SLC2A9: variants seen among roughly 807,000 people sequenced by gnomAD.
The protein encoded by SLC2A9 is solute carrier family 2 member 9.
A neutral mutation model predicts 50.6 loss-of-function variants in SLC2A9; 39 were observed. The ratio of observed to expected loss-of-function variants is 0.77; its 90% confidence interval spans 0.60 to 1.01. SLC2A9 has a LOEUF of 1.01. Among genes scored for constraint, SLC2A9 ranks in the 50% least tolerant of loss-of-function variants. SLC2A9 has a pLI of 0.00. For synonymous variants in SLC2A9, 324 were observed against 276.9 expected, an observed-to-expected ratio of 1.17 and a Z score of -1.69; for missense variants, 686 against 677.6, an observed-to-expected ratio of 1.01 and a Z score of -0.14.
At chr4:9,987,098 G>A (rs1756856389) in intron 3 of SLC2A9, among the ~76,000 whole-genome samples, 1 of 152,136 alleles carries the variant, frequency 6.6e-6, no homozygotes, top group African/African-American at 2.4e-5. Flanking sequence ...CTAGGTTGCT[G>A]GCAAGCTAGA....
chr4:9,934,139 G>A (rs990220309), intron 6 of SLC2A9, among the ~76,000 whole-genome samples: 3 of 152,156 alleles, frequency 2.0e-5, no homozygotes, highest in Admixed American at 6.5e-5. Flanking sequence ...GGGTGGGGTG[G>A]AGGTCATTAT....
chr4:9,887,562 C>G lies in SLC2A9; in HGVS notation c.1291+5G>C. 1 of 1,557,856 alleles carries G rather than the reference C, an allele frequency of 6.4e-7. No individual in the cohort carries two copies. Among genetic ancestry groups the G allele is most frequent in the Non-Finnish European group, 8.7e-7 (1 of 1,151,786 alleles). On this transcript the variant is annotated splice_donor_5th_base_variant and intron_variant, in intron 10 of 11. Coordinates refer to ENST00000264784, the MANE Select transcript of SLC2A9 (RefSeq NM_020041.3). ...CGGGGCAGTGGGGAGGGTGGGGTGC[C>G]TTACCTGGCCCACTGCAGAAAGAGG...
intron 8 of SLC2A9, among the ~76,000 whole-genome samples, chr4:9,895,761 T>C (rs1738432662): frequency 1.3e-5 from 2 of 152,384 alleles, no homozygotes; most frequent in East Asian, 3.9e-4. Context: ...TTGACAAATG[T>C]ATATACCTTA....
chr4:9,853,953 CA>C (rs1399268471), intron 10 of SLC2A9, among the ~76,000 whole-genome samples: 2 of 151,784 alleles, frequency 1.3e-5, no homozygotes, highest in African/African-American at 4.8e-5. Flanking sequence ...TTAATGAGAA[CA>C]AATATATAAC....
intron 5 of SLC2A9, among the ~76,000 whole-genome samples, chr4:9,946,516 C>A (rs890382186): frequency 2.0e-5 from 3 of 152,188 alleles, no homozygotes; most frequent in African/African-American, 4.8e-5. Flanking sequence ...CCTCTGACAG[C>A]AAAAGGGCTC....
In SLC2A9 at chr4:9,951,740, A is replaced by G. The variant is rs147139740; in HGVS notation, c.682-9695T>C. On this transcript the variant is annotated intron_variant, in intron 5 of 11. Transcript: ENST00000264784. ...TAAGCTAATAAAGATGTGAGAAATC[A>G]AATTTTATAAATGTTCCTCATTATT... is the stretch of plus-strand genomic sequence containing the variant. Among the ~76,000 whole-genome samples the G allele has an allele frequency of 2.3e-3, 356 of 152,366 alleles. 2 individuals are homozygous for G. The highest frequency in any genetic ancestry group is 8.1e-3 in the African/African-American group (336 of 41,586).
chr4:9,861,142 C>G (rs764542125), intron 10 of SLC2A9, among the ~76,000 whole-genome samples: 6 of 152,112 alleles, frequency 3.9e-5, no homozygotes, highest in Non-Finnish European at 7.4e-5. Context: ...TTAATTGGCT[C>G]ACGGTTCCAA....
intron 8 of SLC2A9, among the ~76,000 whole-genome samples, chr4:9,893,967 G>T (rs780114174): frequency 6.6e-6 from 1 of 152,182 alleles, no homozygotes; most frequent in Admixed American, 6.5e-5. Flanking sequence ...GTGATTATGG[G>T]ATTTACCAAA....
chr4:9,965,238 A>C (rs1425677779), intron 5 of SLC2A9, among the ~76,000 whole-genome samples: 2 of 152,228 alleles, frequency 1.3e-5, no homozygotes. Flanking sequence ...GCTGTGATGC[A>C]GATCCAGGCA....
At chr4:9,830,959 GGCTTGGAGAGGAAACCCAT>G (rs1726033692) in intron 11 of SLC2A9, among the ~76,000 whole-genome samples, 1 of 152,172 alleles carries the variant, frequency 6.6e-6, no homozygotes, top group South Asian at 2.1e-4. Context: ...AGGAAACCCA[GGCTTGGAGAGGAAACCCAT>G]GCTTGAGGAG....
intron 5 of SLC2A9, among the ~76,000 whole-genome samples, chr4:9,952,027 C>T (rs1037630959): frequency 2.6e-5 from 4 of 152,194 alleles, no homozygotes; most frequent in Non-Finnish European, 4.4e-5. Context: ...AGAGAGTGCC[C>T]TCTGGAGTTG....
At chr4:10,002,042 A>G (rs1033993632) in intron 2 of SLC2A9, among the ~76,000 whole-genome samples, 5 of 152,256 alleles carry the variant, frequency 3.3e-5, no homozygotes, top group African/African-American at 1.2e-4. Flanking sequence ...ATTCTCCAGC[A>G]GCAGAGGGAG....
At chr4:9,805,222 C>A (rs1312121820) in intron 3 of SLC2A9, among the ~76,000 whole-genome samples, 2 of 152,106 alleles carry the variant, frequency 1.3e-5, no homozygotes, top group Non-Finnish European at 2.9e-5. Flanking sequence ...GTGCTTCACT[C>A]CAGAACCCAG....
intron 6 of SLC2A9, among the ~76,000 whole-genome samples, chr4:9,936,097 C>T (rs2110216045): frequency 6.6e-6 from 1 of 152,288 alleles, no homozygotes. Context: ...AATACCATTG[C>T]TATGGGTGGA....
At chr4:9,994,537 GT>G (rs1302315584) in intron 3 of SLC2A9, among the ~76,000 whole-genome samples, 2 of 146,418 alleles carry the variant, frequency 1.4e-5, no homozygotes, top group Non-Finnish European at 3.0e-5. Context: ...TATTTTCAAA[GT>G]TGTTTTCTCT....
chr4:9,982,961 T>C (rs77899884), intron 4 of SLC2A9, among the ~76,000 whole-genome samples: 47 of 152,186 alleles, frequency 3.1e-4, no homozygotes, highest in Non-Finnish European at 1.5e-4. Flanking sequence ...CTCCATCTCC[T>C]GGGTTCAAGT....
At chr4:9,800,274 T>C (rs1168860966) in intron 3 of SLC2A9, among the ~76,000 whole-genome samples, 1 of 152,190 alleles carries the variant, frequency 6.6e-6, no homozygotes, top group East Asian at 1.9e-4. Context: ...CCCCCTCAAA[T>C]TCATATGTTG....
intron 6 of SLC2A9, among the ~76,000 whole-genome samples, chr4:9,926,851 AC>A: frequency 6.6e-6 from 1 of 152,160 alleles, no homozygotes; most frequent in South Asian, 2.1e-4. Flanking sequence ...ATAGATACAC[AC>A]AGGGAAGGCA....
At chr4:10,002,839 C>T (rs960859292) in intron 2 of SLC2A9, among the ~76,000 whole-genome samples, 2 of 134,426 alleles carry the variant, frequency 1.5e-5, no homozygotes, top group Non-Finnish European at 3.2e-5. Flanking sequence ...GGGGACTGAG[C>T]GAGACTCCAT....
Sources: gnomAD v4.1 joint callset for allele counts (sites outside exome capture counted in the v4.1 genomes callset) on GRCh38, gnomAD v4.1.1 for gene constraint, MANE v1.5 for transcripts, NCBI Gene and HGNC (gene_info 2026-07-23, HGNC 2026-07-21) for gene names.